The following SIPA1L3 variants were observed in gnomAD, a reference collection of about 807,000 sequenced individuals.
SIPA1L3 encodes the protein signal induced proliferation associated 1 like 3, also known as signal-induced proliferation-associated 1-like protein 3.
SIPA1L3 carries 59 observed loss-of-function variants against 150.1 expected under a neutral mutation model. The ratio of observed to expected loss-of-function variants is 0.39; its 90% CI spans 0.32 to 0.49. SIPA1L3 has a LOEUF of 0.49. Among genes scored for constraint, SIPA1L3 ranks in the 20% least tolerant of loss-of-function variants. The pLI, the probability that SIPA1L3 is intolerant of heterozygous loss-of-function variation, is 0.86. For synonymous variants in SIPA1L3, 1,070 were observed against 1,077.6 expected (o/e 0.99, Z 0.14); for missense variants, 2,211 against 2,489.5 (o/e 0.89, Z 2.38).
chr19:37,998,578 T>C (rs1000144111), intron 1 of SIPA1L3, among the ~76,000 whole-genome samples: 2 of 152,180 alleles, frequency 1.3e-5, no homozygotes, highest in African/African-American at 4.8e-5. Flanking sequence ...GCTCAGGAGT[T>C]GGAGATCAGC....
intron 15 of SIPA1L3, among the ~76,000 whole-genome samples, chr19:38,178,731 C>T (rs1048533960): frequency 2.0e-5 from 3 of 152,158 alleles, no homozygotes; most frequent in Non-Finnish European, 4.4e-5. Flanking sequence ...CCGTCTTGGC[C>T]TCCCAAAGTG....
At chr19:38,191,410 A>C (rs945071129) in intron 16 of SIPA1L3, among the ~76,000 whole-genome samples, 1 of 151,880 alleles carries the variant, frequency 6.6e-6, no homozygotes, top group Non-Finnish European at 1.5e-5. Context: ...AAAAAAAAAA[A>C]AACCAAAAAG....
At chr19:38,062,724 G>A (rs78635865) in intron 2 of SIPA1L3, among the ~76,000 whole-genome samples, 6 of 151,940 alleles carry the variant, frequency 3.9e-5, no homozygotes, top group Non-Finnish European at 7.4e-5. Context: ...GGGCTCAAGC[G>A]GTTCTCCTGC....
intron 1 of SIPA1L3, among the ~76,000 whole-genome samples, chr19:37,970,175 C>G (rs760958090): frequency 6.6e-6 from 1 of 152,142 alleles, no homozygotes; most frequent in African/African-American, 2.4e-5. Flanking sequence ...AAAACCCTGG[C>G]GGTGAAATTT....
chr19:38,167,208 GGCAACAGA>G (rs1972230151), intron 15 of SIPA1L3, among the ~76,000 whole-genome samples: 1 of 142,028 alleles, frequency 7.0e-6, no homozygotes, highest in Admixed American at 7.4e-5. Flanking sequence ...ACTCCAGCCT[GGCAACAGA>G]GCGAGATTCC....
At chr19:37,918,720 A>G (rs1204046720) in intron 1 of SIPA1L3, among the ~76,000 whole-genome samples, 1 of 151,706 alleles carries the variant, frequency 6.6e-6, no homozygotes, top group African/African-American at 2.4e-5. Context: ...AAATAGAAAA[A>G]ATTAGCCAGG....
chr19:38,175,948 C>T (rs369037906), intron 15 of SIPA1L3, among the ~76,000 whole-genome samples: 15 of 152,288 alleles, frequency 9.8e-5, no homozygotes, highest in African/African-American at 3.6e-4. Context: ...TGGCTCACGC[C>T]TGTAATCCCA....
chr19:38,142,973 A>G (rs1243659180), intron 12 of SIPA1L3, among the ~76,000 whole-genome samples: 5 of 152,168 alleles, frequency 3.3e-5, no homozygotes, highest in African/African-American at 4.8e-5. Flanking sequence ...AAGCAAGAGC[A>G]TCCACTATCC....
At chr19:38,184,172 C>A (rs937569351) in intron 16 of SIPA1L3, among the ~76,000 whole-genome samples, 2 of 151,960 alleles carry the variant, frequency 1.3e-5, no homozygotes, top group Non-Finnish European at 2.9e-5. Context: ...ACCTGTCCTC[C>A]CCCCACCCCA....
At chr19:38,065,359 G>T (rs1008263498) in intron 2 of SIPA1L3, among the ~76,000 whole-genome samples, 15 of 151,568 alleles carry the variant, frequency 9.9e-5, no homozygotes, top group African/African-American at 3.6e-4. Flanking sequence ...AGAAGGTAAG[G>T]GCCTTGCAAG....
intron 1 of SIPA1L3, among the ~76,000 whole-genome samples, chr19:38,021,753 C>T (rs922014752): frequency 6.6e-6 from 1 of 151,998 alleles, no homozygotes; most frequent in Non-Finnish European, 1.5e-5. Context: ...GCTGTGTTGC[C>T]CAGGCTGGTC....
intron 1 of SIPA1L3, among the ~76,000 whole-genome samples, chr19:37,933,847 G>C (rs1300588977): frequency 2.0e-5 from 3 of 152,222 alleles, no homozygotes; most frequent in Admixed American, 6.5e-5. Flanking sequence ...GCTTGGCCTA[G>C]TAAGTGGAGA....
intron 16 of SIPA1L3, among the ~76,000 whole-genome samples, chr19:38,191,588 G>T (rs1223236968): frequency 6.6e-6 from 1 of 151,994 alleles, no homozygotes; most frequent in Non-Finnish European, 1.5e-5. Flanking sequence ...CGAGGCGGGT[G>T]GATCACCTGA....
chr19:37,960,800 C>A (rs1432770963), intron 1 of SIPA1L3, among the ~76,000 whole-genome samples: 1 of 151,954 alleles, frequency 6.6e-6, no homozygotes, highest in Non-Finnish European at 1.5e-5. Flanking sequence ...GCAATCCTCC[C>A]ACCTTGACCT....
At chr19:38,148,732 G>A (rs755889730) in intron 12 of SIPA1L3, among the ~76,000 whole-genome samples, 65 of 152,270 alleles carry the variant, frequency 4.3e-4, no homozygotes, top group Admixed American at 1.4e-3. Context: ...CCAGCGTCCC[G>A]TAGCCCAACC....
intron 2 of SIPA1L3, among the ~76,000 whole-genome samples, chr19:38,052,295 T>TCAA (rs1389770069): frequency 2.0e-5 from 3 of 152,098 alleles, no homozygotes; most frequent in Non-Finnish European, 4.4e-5. Context: ...TACAGGGAAT[T>TCAA]TGGTTAAAAA....
chr19:38,003,980 G>T lies in SIPA1L3; in HGVS notation c.-378-25109G>T, dbSNP rs962037978. ...TTCTCTGGGACTGTTTGTGAGGAGG[G>T]GACTTGTTGACCTGAACAAAGGAAC... On this transcript the variant is annotated intron_variant, in intron 1 of 21. Coordinates refer to ENST00000222345, the MANE Select transcript of SIPA1L3 (RefSeq NM_015073.3). Among the ~76,000 whole-genome samples, 3 of 151,954 alleles carry T rather than the reference G, an allele frequency of 2.0e-5. No individual in the cohort carries two copies. The South Asian group carries it at 6.2e-4, about 32-fold the overall frequency.
At chr19:37,997,587 G>T (rs1157798963) in intron 1 of SIPA1L3, among the ~76,000 whole-genome samples, 1 of 44,250 alleles carries the variant, frequency 2.3e-5, no homozygotes, top group Non-Finnish European at 4.5e-5. Flanking sequence ...AAAAAAAAAA[G>T]GCCGGGCACG....
At chr19:38,058,879 C>G (rs1367411865) in intron 2 of SIPA1L3, among the ~76,000 whole-genome samples, 2 of 151,942 alleles carry the variant, frequency 1.3e-5, no homozygotes, top group Admixed American at 6.6e-5. Context: ...AGAAAATTAG[C>G]CAGGCGTGGT....
Sources: allele counts gnomAD v4.1 joint callset (sites outside exome capture counted in the v4.1 genomes callset), GRCh38; gene constraint gnomAD v4.1.1; transcripts MANE v1.5; gene names NCBI Gene and HGNC (gene_info 2026-07-23, HGNC 2026-07-21).